ANKRD26: variants seen among roughly 807,000 people sequenced by gnomAD.
ANKRD26 encodes the protein ankyrin repeat domain 26.
ANKRD26 carries 141 observed loss-of-function variants against 208.7 expected under a neutral mutation model. That is an observed-to-expected ratio of 0.68 (90% CI 0.59 to 0.78). ANKRD26 has a LOEUF of 0.78. ANKRD26 is among the 30% of genes least tolerant of loss of function. The pLI is 0.00. For missense variants in ANKRD26, 1,889 were observed against 1,938.7 expected (o/e 0.97, Z 0.48); for synonymous variants, 636 against 660.4 (o/e 0.96, Z 0.57).
At chr10:27,098,105 C>G (rs2056525466) in intron 1 of ANKRD26, among the ~76,000 whole-genome samples, 1 of 151,246 alleles carries the variant, frequency 6.6e-6, no homozygotes, top group African/African-American at 2.4e-5. Flanking sequence ...AAAAAGATAC[C>G]CTTTACTTTT....
downstream of ANKRD26, among the ~76,000 whole-genome samples, chr10:26,991,156 C>T (rs2052478936): frequency 6.6e-6 from 1 of 152,160 alleles, no homozygotes; most frequent in Non-Finnish European, 1.5e-5. Context: ...TCCCAGACCT[C>T]AGCAAATCGT....
At chr10:27,071,159 ATTTTTTTTT>A (rs71386906) in intron 9 of ANKRD26, among the ~76,000 whole-genome samples, 7 of 85,838 alleles carry the variant, frequency 8.2e-5, no homozygotes, top group Admixed American at 7.6e-4. Context: ...TGCTACATTC[ATTTTTTTTT>A]TTTTTTTTTT....
chr10:27,028,585 C>CAAAAAAAAAAAAAAAAAAAAAAAAAA (rs11294303), intron 27 of ANKRD26, among the ~76,000 whole-genome samples: 7 of 76,060 alleles, frequency 9.2e-5, no homozygotes, highest in African/African-American at 2.3e-4. Context: ...GACTCCATCT[C>CAAAAAAAAAAAAAAAAAAAAAAAAAA]AAAAAAAAAA....
At chr10:27,066,448 C>T (rs910912805) in intron 11 of ANKRD26, 39 bp downstream of exon 11, 12 of 1,473,662 alleles carry the variant, frequency 8.1e-6, no homozygotes, top group Non-Finnish European at 1.0e-5. Flanking sequence ...TCACTCAATG[C>T]TTATATTTTA....
downstream of ANKRD26, among the ~76,000 whole-genome samples, chr10:27,003,707 C>T (rs972078012): frequency 1.3e-5 from 2 of 152,180 alleles, no homozygotes; most frequent in South Asian, 2.1e-4. Flanking sequence ...GTGAAAGCCC[C>T]GCCCGAATGG....
In ANKRD26 at chr10:27,028,826, C is replaced by T. The variant is rs377010507; in HGVS notation, c.3972+26G>A. The T allele has an allele frequency of 4.3e-5, 68 of 1,567,688 alleles. No homozygotes were observed. The African/African-American group carries it at 6.1e-4, about 14-fold the overall frequency. The stretch of plus-strand genomic sequence containing the variant: ...AAAGCAATAAAATTCCTTTTCAGTA[C>T]GACAGAAATTAAGTGGCTGACTTAC... On this transcript the variant is annotated intron_variant, in intron 27 of 33. Transcript: ENST00000376087.
At chr10:26,995,561 G>C (rs2052573044) in intron 4 of ANKRD26, among the ~76,000 whole-genome samples, 1 of 152,204 alleles carries the variant, frequency 6.6e-6, no homozygotes, top group Non-Finnish European at 1.5e-5. Flanking sequence ...GTGGGCAAGG[G>C]AGAAATATGG....
chr10:26,965,354 C>T, the ANKRD26 span, among the ~76,000 whole-genome samples: 1 of 152,082 alleles, frequency 6.6e-6, no homozygotes, highest in African/African-American at 2.4e-5. Context: ...TGATCTTTGA[C>T]AAACCTGACA....
rs1428810554 is a variant in ANKRD26, at chr10:27,074,550, G to A, written c.1077+2788C>T. On this transcript the variant is annotated intron_variant, in intron 9 of 33. Transcript: ENST00000376087. ...ACAAAAATTAGCTGGACATGGTAGC[G>A]TATACCTGTAATCCTAGCTACTAGG... is the stretch of plus-strand genomic sequence containing the variant. Among the ~76,000 whole-genome samples, 10 of 152,046 alleles carry A rather than the reference G, an allele frequency of 6.6e-5. No individual in the cohort carries two copies. The East Asian group carries it at 9.6e-4, about 15-fold the overall frequency.
chr10:27,049,945 G>A (rs796086594), intron 16 of ANKRD26, among the ~76,000 whole-genome samples: 1 of 151,998 alleles, frequency 6.6e-6, no homozygotes, highest in Admixed American at 6.6e-5. Flanking sequence ...AATATTGGCC[G>A]GGCGCAGTGG....
rs192307552 is a variant in ANKRD26, at chr10:27,012,917, C to T, written c.4918G>A (p.Ala1640Thr). The T allele has an allele frequency of 6.2e-7, 1 of 1,614,012 alleles. No homozygotes were observed. The highest frequency in any genetic ancestry group is 1.3e-5 in the African/African-American group (1 of 75,022). ...NLVISTSNPR[A>T]SNNSMENYLS... ...TAGTTCTCCATGCTATTATTTGAAG[C>T]CCGTGGATTTGAGGTAGAGATCACT... Residue 1640 changes from alanine to threonine, a missense_variant, in exon 32 of 34, where the codon GCT becomes ACT. By Grantham distance (58) the Ala-to-Thr change is moderately conservative (BLOSUM62 0). Around this residue, in one of 3 missense-constraint regions of ANKRD26, gnomAD observed 613 missense variants for 648.2 expected, o/e 0.95. Coordinates refer to ENST00000376087, the MANE Select transcript of ANKRD26 (RefSeq NM_014915.3).
At chr10:26,977,079 A>T (rs2052239283) in intron 5 of ANKRD26, among the ~76,000 whole-genome samples, 1 of 152,246 alleles carries the variant, frequency 6.6e-6, no homozygotes, top group Non-Finnish European at 1.5e-5. Flanking sequence ...CAATAGATTT[A>T]GAAATTTGCT....
chr10:27,022,032 G>A (rs990964427), intron 29 of ANKRD26, among the ~76,000 whole-genome samples: 1 of 152,144 alleles, frequency 6.6e-6, no homozygotes, highest in Non-Finnish European at 1.5e-5. Flanking sequence ...CTCTGTAGAA[G>A]CTCTTTAGTT....
chr10:27,035,661 G>T lies in ANKRD26; in HGVS notation c.2789C>A (p.Thr930Lys), dbSNP rs1225701784. The T allele has an allele frequency of 6.3e-7, 1 of 1,589,998 alleles. No individual in the cohort carries two copies. The highest frequency in any genetic ancestry group is 1.7e-4 in the Middle Eastern group (1 of 5,916). ...TTTTTCCTGGTTTTGATTTTTTATT[G>T]TGTCTATTTCTAGTCTTAGCATAGC... ...EIAMLRLEID[T>K]IKNQNQEKEK... Residue 930 changes from threonine to lysine, a missense_variant, in exon 24 of 34, where the codon ACA becomes AAA. This residue lies in a region of ANKRD26 where 1,272 missense variants were observed against 1,273.8 expected (regional missense o/e 1.00). Coordinates refer to ENST00000376087, the MANE Select transcript of ANKRD26 (RefSeq NM_014915.3).
chr10:27,050,244 A>AAAAAAAAAAAAAAAAAAAAAAAAG (rs2054605396), intron 16 of ANKRD26, among the ~76,000 whole-genome samples: 1 of 134,198 alleles, frequency 7.5e-6, no homozygotes, highest in African/African-American at 3.8e-5. Context: ...AAAAAAAAAA[A>AAAAAAAAAAAAAAAAAAAAAAAAG]AAAGAAAGAA....
downstream of ANKRD26, among the ~76,000 whole-genome samples, chr10:26,969,452 G>A (rs1183362175): frequency 6.6e-6 from 1 of 152,166 alleles, no homozygotes. Context: ...CCTGAGAATT[G>A]TTGTTTGATG....
At chr10:27,014,751 C>G in intron 30 of ANKRD26, 40 bp from the exon 31 acceptor site, 1 of 1,540,446 alleles carries the variant, frequency 6.5e-7, no homozygotes, top group South Asian at 1.1e-5. Context: ...AAATATATAA[C>G]CTGAGTAAGA....
In ANKRD26 at chr10:27,051,669, T is replaced by A. The variant is rs1206507567; in HGVS notation, c.1635+1651A>T. On this transcript the variant is annotated intron_variant, in intron 16 of 33. Coordinates refer to ENST00000376087, the MANE Select transcript of ANKRD26 (RefSeq NM_014915.3). The stretch of plus-strand genomic sequence containing the variant: ...GCAAGCATATTCTGGGGACCCAGAG[T>A]ATGAAGGAAATGAAAAGCCATTTTC... The A allele has an allele frequency of 1.1e-5, 11 of 985,288 alleles. No individual in the cohort carries two copies. The African/African-American group carries it at 1.9e-4, about 17-fold the overall frequency. 61.0% of individuals were successfully genotyped at this position (985,288 alleles called of 1,614,324 possible). A position where few individuals can be genotyped will look rare whatever the true frequency, so the allele number is the denominator to read the frequency against.
At chr10:26,995,242 G>A in intron 4 of ANKRD26, 3 of 464,846 alleles carry the variant, frequency 6.5e-6, no homozygotes, top group Non-Finnish European at 1.3e-5. Context: ...CTATTGACAG[G>A]TGTTGAGTTA....
Sources: gnomAD v4.1 joint callset for allele counts (sites outside exome capture counted in the v4.1 genomes callset) on GRCh38, gnomAD v4.1.1 for gene constraint, gnomAD v4.1.1 regional missense constraint, MANE v1.5 for transcripts, NCBI Gene and HGNC (gene_info 2026-07-23, HGNC 2026-07-21) for gene names.